PLD2: variants seen among roughly 807,000 people sequenced by gnomAD.
PLD2 encodes choline phosphatase 2.
PLD2 carries 101 observed loss-of-function variants against 119.8 expected under a neutral mutation model. The ratio of observed to expected loss-of-function variants is 0.84; its 90% CI spans 0.72 to 0.99. PLD2 has a LOEUF of 0.99. Ranked by LOEUF, PLD2 falls within the 50% of genes least tolerant of loss-of-function variation. The probability of loss-of-function intolerance (pLI) is 0.00; values close to 1 mark genes in which losing one functional copy is unlikely to be tolerated. For missense variants in PLD2, 1,164 were observed against 1,226.8 expected, an observed-to-expected ratio of 0.95 and a Z score of 0.76; for synonymous variants, 494 against 482.8, an observed-to-expected ratio of 1.02 and a Z score of -0.30.
At chr17:4,818,460 A>G in intron 19 of PLD2, 34 bp from the exon 20 acceptor site, 1 of 1,596,224 alleles carries the variant, frequency 6.3e-7, no homozygotes, top group Non-Finnish European at 8.6e-7. Context: ...GGTTTGAGGG[A>G]CCAGTCGCAC....
intron 24 of PLD2, 67 bp downstream of exon 24, chr17:4,821,974 G>A: frequency 5.0e-6 from 5 of 1,001,296 alleles, no homozygotes; most frequent in East Asian, 2.4e-5. Flanking sequence ...GCTCAGGGTA[G>A]GATGGAGAGA....
intron 4 of PLD2, 29 bp from the exon 5 acceptor site, chr17:4,809,071 T>TA (rs774180694): frequency 2.0e-5 from 31 of 1,562,990 alleles, no homozygotes; most frequent in Non-Finnish European, 2.6e-5. Context: ...TCCCAGCTCT[T>TA]ACCTGACCTT....
chr17:4,811,451 A>G (rs1234559418), intron 10 of PLD2, among the ~76,000 whole-genome samples: 2 of 99,464 alleles, frequency 2.0e-5, no homozygotes, highest in Non-Finnish European at 4.0e-5. Context: ...TAATTTTTGT[A>G]TTTTTAGTAG....
rs1907006716 is a variant in PLD2 at position 4,816,685 on chromosome 17, G to A, written c.1521G>A (p.Leu507=). The change falls in exon 15 of 25, where the codon CTG becomes CTA. Residue 507 remains leucine, a synonymous_variant. Transcript: ENST00000263088. The part of the protein sequence containing the change: ...PDLSHNQFFW[L]GKDYSNLITK... ...TCTCTCACAACCAATTCTTCTGGCT[G>A]GGCAAGGACTACAGCAATCTTATCA... is the stretch of plus-strand genomic sequence containing the variant. 1 of 1,614,130 alleles carries A rather than the reference G, an allele frequency of 6.2e-7. No individual in the cohort carries two copies. Among genetic ancestry groups the A allele is most frequent in the Non-Finnish European group, 8.5e-7 (1 of 1,180,028 alleles).
chr17:4,819,735 C>T lies in PLD2; in HGVS notation c.2462+153C>T, dbSNP rs1378587440. Reference sequence around the variant, plus strand: ...AGGCAAGGCTGGGCGCGGCAGCTCACGCCTCTAATCCCAGCACTTTGGGAG... The same window carrying T: ...AGGCAAGGCTGGGCGCGGCAGCTCATGCCTCTAATCCCAGCACTTTGGGAG... On this transcript the variant is annotated intron_variant, in intron 23 of 24. Coordinates refer to ENST00000263088, the MANE Select transcript of PLD2 (RefSeq NM_002663.5). This position sits in a 1 kb window ranked among gnomAD's most constrained non-coding sequence, Gnocchi z 4.2. Among the ~76,000 whole-genome samples, 1 of 151,824 alleles carries T rather than the reference C, an allele frequency of 6.6e-6. No homozygotes were observed. Among genetic ancestry groups the T allele is most frequent in the Non-Finnish European group, 1.5e-5 (1 of 68,002 alleles).
rs1907219773 is a variant in PLD2, at chr17:4,818,110, T to G, written c.1920+4T>G. 6.2e-7 allele frequency: 1 copy of G among 1,603,334 alleles called. No homozygotes were observed. The highest frequency in any genetic ancestry group is 8.5e-7 in the Non-Finnish European group (1 of 1,170,120). On this transcript the variant is annotated splice_donor_region_variant and intron_variant, in intron 18 of 24. Transcript: ENST00000263088. ...CCAGCACTTCCTCTACATTGAGGTC[T>G]GACTGGGAGGAGGTGGGGGAGAGCA...
At position 4,809,515 on chromosome 17, in the gene PLD2, A is replaced by C; in HGVS notation, c.578A>C (p.Gln193Pro). Residue 193 changes from glutamine (Q) to proline (P), a missense_variant, in exon 7 of 25, where the codon CAG becomes CCG. Transcript: ENST00000263088. ...HAMTEFLEVS[Q>P]LSFIPDLGRK... Reference sequence around the variant, plus strand: ...CAGACAGAGTTCCTGGAAGTCAGTCAGCTGTCCTTTATCCCGGACTTGGGC... The same window carrying C: ...CAGACAGAGTTCCTGGAAGTCAGTCCGCTGTCCTTTATCCCGGACTTGGGC... 1 of 1,607,790 alleles carries C rather than the reference A, an allele frequency of 6.2e-7. No homozygotes were observed. The highest frequency in any genetic ancestry group is 8.5e-7 in the Non-Finnish European group (1 of 1,176,218).
rs1907823340 is a variant in PLD2, at chr17:4,822,834, G to A, written c.2772G>A (p.Glu924=). 1 of 1,610,462 alleles carries A rather than the reference G, an allele frequency of 6.2e-7. No homozygotes were observed. The highest frequency in any genetic ancestry group is 1.7e-5 in the Admixed American group (1 of 59,950). The stretch of plus-strand genomic sequence containing the variant: ...TGCTGCCCCCGCTGGGTAGCAAGGA[G>A]GGCATGATCCCCCTAGAAGTGTGGA... The part of the protein sequence containing the change: ...ESLLPPLGSK[E]GMIPLEVWT The change falls in exon 25 of 25, where the codon GAG becomes GAA. Residue 924 remains glutamate, a synonymous_variant. Coordinates refer to ENST00000263088, the MANE Select transcript of PLD2 (RefSeq NM_002663.5).
chr17:4,809,200 A>C lies in PLD2; in HGVS notation c.484A>C (p.Lys162Gln), dbSNP rs1324875950. The change falls in exon 5 of 25, where the codon AAA becomes CAA. Residue 162 changes from lysine (K) to glutamine (Q), a missense_variant. Coordinates refer to ENST00000263088, the MANE Select transcript of PLD2 (RefSeq NM_002663.5). The part of the protein sequence containing the change: ...PEGSTRHAAS[K>Q]QKYLENYLNR... ...GGGCTCCACCAGACATGCAGCCAGC[A>C]AACAGGTGGGACCAGATGCCAGGTC... 1 of 1,614,010 alleles carries C rather than the reference A, an allele frequency of 6.2e-7. No individual in the cohort carries two copies. Among genetic ancestry groups the C allele is most frequent in the African/African-American group, 1.3e-5 (1 of 74,934 alleles).
At chr17:4,811,725 C>A (rs1216084606) in intron 10 of PLD2, among the ~76,000 whole-genome samples, 2 of 152,148 alleles carry the variant, frequency 1.3e-5, no homozygotes, top group African/African-American at 4.8e-5. Flanking sequence ...ACAGGAAGTA[C>A]CTGGCCCAGC....
intron 9 of PLD2, 35 bp from the exon 10 acceptor site, chr17:4,810,767 C>T (rs998107873): frequency 1.0e-5 from 16 of 1,583,966 alleles, no homozygotes; most frequent in South Asian, 4.6e-5. Flanking sequence ...GTATGGAGGG[C>T]GAGGATTTAT....
chr17:4,822,751 A>C lies in PLD2; in HGVS notation c.2689A>C (p.Thr897Pro). ...VSPPLARSEL[T>P]QVQGHLVHFP... ...TCCCCCCTTGGCTCGGTCTGAGCTC[A>C]CCCAGGTCCAGGGCCACCTGGTCCA... The change falls in exon 25 of 25, where the codon ACC (threonine) becomes CCC (proline). Residue 897 changes from threonine (T) to proline (P), a missense_variant. Thr to Pro is a conservative substitution (Grantham distance 38). Coordinates refer to ENST00000263088, the MANE Select transcript of PLD2 (RefSeq NM_002663.5). 6.2e-7 allele frequency: 1 copy of C among 1,613,796 alleles called. No homozygotes were observed.
At position 4,809,100 on chromosome 17, in the gene PLD2, A is replaced by T. The variant is rs1132446; in HGVS notation, c.384A>T (p.Arg128=). 0.28 allele frequency: 443,270 copies of T among 1,611,374 alleles called. 62,542 individuals are homozygous for T. The highest frequency in any genetic ancestry group is 0.38 in the East Asian group (17,242 of 44,810). ...TGACCTTCATCCATCCTTTCCACAG[A>T]TTTGCCGTTGCCTATTCTCCAGCCC... The part of the protein sequence containing the change: ...KVLMSLLPLA[R]FAVAYSPARD... Residue 128 remains arginine, a splice_region_variant and synonymous_variant, in exon 5 of 25, where the codon CGA becomes CGT. Transcript: ENST00000263088.
chr17:4,810,133 C>T (rs1411836683), intron 9 of PLD2, 104 bp downstream of exon 9: 1 of 1,178,808 alleles, frequency 8.5e-7, no homozygotes. Context: ...AAGGCTTTTC[C>T]ACCTCCCTGG....
rs760709119 is a variant in PLD2, at chr17:4,808,110, C to T, written c.236C>T (p.Ser79Phe). Residue 79 changes from serine (S) to phenylalanine (F), a missense_variant, in exon 3 of 25, where the codon TCC becomes TTC. Transcript: ENST00000263088. The surrounding 1 kb of genome is among the most constrained non-coding windows in gnomAD (Gnocchi z 4.1). ...GGCACCGAAAGATATACCAGCGGAT[C>T]CAAGGTGGCCAGACTGGCCCCAGGG... ...VVGTERYTSG[S>F]KVGTCTLYSV... 7 of 1,607,320 alleles carry T rather than the reference C, an allele frequency of 4.4e-6. No homozygotes were observed. The highest frequency in any genetic ancestry group is 1.1e-5 in the South Asian group (1 of 90,844).
Position 4,817,972 on chromosome 17 carries a change from A to G in PLD2, c.1816-30A>G, listed in dbSNP as rs375476006. On this transcript the variant is annotated intron_variant, in intron 17 of 24. Transcript: ENST00000263088. ...GACTCTGTCTTAAAAAAGAAAAGAA[A>G]TGAAGCACATCGCATTCACCATTCC... 2.7e-5 allele frequency: 40 copies of G among 1,477,812 alleles called. No individual in the cohort carries two copies. The African/African-American group carries it at 5.0e-4, about 18-fold the overall frequency. 91.5% of individuals were successfully genotyped at this position (1,477,812 alleles called of 1,614,324 possible).
At chr17:4,813,197 A>G (rs1906647210) in intron 10 of PLD2, among the ~76,000 whole-genome samples, 1 of 151,964 alleles carries the variant, frequency 6.6e-6, no homozygotes, top group African/African-American at 2.4e-5. Flanking sequence ...TTTAGTAGAG[A>G]TAGGATTTCA....
chr17:4,811,525 G>A (rs537598458), intron 10 of PLD2, among the ~76,000 whole-genome samples: 2 of 152,162 alleles, frequency 1.3e-5, no homozygotes, highest in South Asian at 2.1e-4. Flanking sequence ...TGATCCGCCC[G>A]CCTCGGCCTC....
intron 10 of PLD2, among the ~76,000 whole-genome samples, chr17:4,812,612 A>G (rs1906593334): frequency 6.6e-6 from 1 of 152,154 alleles, no homozygotes; most frequent in South Asian, 2.1e-4. Flanking sequence ...TAAAACAGCC[A>G]AAACCAATCC....
Sources: gnomAD v4.1 joint callset for allele counts (sites outside exome capture counted in the v4.1 genomes callset) on GRCh38, gnomAD v4.1.1 for gene constraint, Gnocchi (gnomAD v3.1) non-coding constraint, MANE v1.5 for transcripts, NCBI Gene and HGNC (gene_info 2026-07-23, HGNC 2026-07-21) for gene names.